The following WDR44 variants were observed in gnomAD, a reference collection of about 807,000 sequenced individuals.
WDR44 encodes WD repeat-containing protein 44.
A neutral mutation model predicts 65.7 loss-of-function variants in WDR44; 9 were observed. That is an observed-to-expected ratio of 0.14 (90% confidence interval 0.08 to 0.24). WDR44 has a LOEUF of 0.24. Ranked by LOEUF, WDR44 falls within the 10% of genes least tolerant of loss-of-function variation. The pLI is 1.00. For synonymous variants in WDR44, 220 were observed against 235.2 expected (o/e 0.94, Z 0.59); for missense variants, 425 against 670.9 (o/e 0.63, Z 4.05).
intron 12 of WDR44, among the ~76,000 whole-genome samples, chrX:118,415,261 G>A (rs2057048345): frequency 8.9e-6 from 1 of 111,854 alleles, no homozygotes; most frequent in Non-Finnish European, 1.9e-5. Flanking sequence ...TTTTCGATAT[G>A]TTGTTGGATT....
chrX:118,439,977 CG>C (rs1010315704), intron 14 of WDR44, among the ~76,000 whole-genome samples: 3 of 105,989 alleles, frequency 2.8e-5, no homozygotes, highest in African/African-American at 6.9e-5. Context: ...AAAATTAGCC[CG>C]GTATGGTGGT....
chrX:118,388,059 G>T (rs1398724955), intron 3 of WDR44, among the ~76,000 whole-genome samples: 5 of 111,287 alleles, frequency 4.5e-5, no homozygotes, highest in African/African-American at 1.6e-4. Flanking sequence ...ACTGGCACTC[G>T]ACATTTTGGG....
intron 19 of WDR44, among the ~76,000 whole-genome samples, chrX:118,447,734 T>TA (rs1226980090): frequency 9.3e-6 from 1 of 107,958 alleles, no homozygotes; most frequent in Non-Finnish European, 1.9e-5. Context: ...AAAAATTAAA[T>TA]AATTAGTCGG....
rs1055037015 is a variant in WDR44 at position 118,393,217 on chromosome X, A to G, written c.772A>G (p.Arg258Gly). 3 of 1,199,372 alleles carry G rather than the reference A, an allele frequency of 2.5e-6. No individual in the cohort carries two copies. The highest frequency in any genetic ancestry group is 3.6e-5 in the African/African-American group (2 of 56,133). ...TCCTTCTCGACCTGCTCCACCACCA[A>G]GAAAAAGGAAAAGCGAATTGGAATT... ...PPPSRPAPPP[R>G]KRKSELEFET... Residue 258 changes from arginine to glycine, a missense_variant, in exon 4 of 20, where the codon AGA becomes GGA. This residue lies in a region of WDR44 where 193 missense variants were observed against 209.0 expected (regional missense o/e 0.92). Transcript: ENST00000254029.
chrX:118,386,009 TC>T (rs2056762449), intron 2 of WDR44, among the ~76,000 whole-genome samples: 1 of 111,352 alleles, frequency 9.0e-6, no homozygotes, highest in Non-Finnish European at 1.9e-5. Flanking sequence ...GGGGAGGAAT[TC>T]AGTGCTCGAA....
Position 118,413,889 on chromosome X carries a change from T to C in WDR44, c.1737+2930T>C, listed in dbSNP as rs546012437. ...GAGAGATGAGGATCCAGTTTCATTA[T>C]CCTACACGTGGCTAGCCAGTTATCT... On this transcript the variant is annotated intron_variant, in intron 12 of 19. Transcript: ENST00000254029. Among the ~76,000 whole-genome samples, 8 of 111,896 alleles carry C rather than the reference T, an allele frequency of 7.1e-5. No individual in the cohort carries two copies. In the South Asian group the frequency reaches 2.6e-3, roughly 37 times the overall value.
At chrX:118,364,605 G>A (rs184841920) in intron 1 of WDR44, among the ~76,000 whole-genome samples, 25 of 112,235 alleles carry the variant, frequency 2.2e-4, no homozygotes, top group African/African-American at 8.1e-4. Flanking sequence ...TAACCAATAA[G>A]GATTTGTTGA....
intron 11 of WDR44, among the ~76,000 whole-genome samples, 196 bp downstream of exon 11, chrX:118,409,823 T>C (rs2056998104): frequency 8.9e-6 from 1 of 112,273 alleles, no homozygotes; most frequent in Non-Finnish European, 1.9e-5. Flanking sequence ...GCTTTTGATT[T>C]ATTCCTTTCC....
At chrX:118,371,638 A>G (rs1175789771) in intron 1 of WDR44, among the ~76,000 whole-genome samples, 1 of 111,500 alleles carries the variant, frequency 9.0e-6, no homozygotes, top group Admixed American at 9.6e-5. Flanking sequence ...TAAGAAGCAT[A>G]TTTATTATTT....
chrX:118,435,694 A>G (rs1295613235), intron 13 of WDR44, among the ~76,000 whole-genome samples: 1 of 112,966 alleles, frequency 8.9e-6, no homozygotes. Flanking sequence ...ATACTCTTAA[A>G]AACTTTTCTG....
chrX:118,393,231 C>G lies in WDR44; in HGVS notation c.786C>G (p.Ser262Arg). The G allele has an allele frequency of 4.2e-6, 5 of 1,198,593 alleles. No individual in the cohort carries two copies. Among genetic ancestry groups the G allele is most frequent in the Non-Finnish European group, 5.6e-6 (5 of 891,997 alleles). ...RPAPPPRKRKSELEFETLKTP... is the reference protein window; with the variant it reads ...RPAPPPRKRKRELEFETLKTP... ...CTCCACCACCAAGAAAAAGGAAAAG[C>G]GAATTGGAATTTGAGACTCTGAAAA... Residue 262 changes from serine to arginine, a missense_variant, in exon 4 of 20, where the codon AGC (serine) becomes AGG (arginine). By Grantham distance (110) the Ser-to-Arg change is moderately radical (BLOSUM62 -1). This residue lies in a region of WDR44 where 193 missense variants were observed against 209.0 expected (regional missense o/e 0.92). Coordinates refer to ENST00000254029, the MANE Select transcript of WDR44 (RefSeq NM_019045.5).
At chrX:118,395,212 T>G in intron 5 of WDR44, 37 bp from the exon 6 acceptor site, 1 of 1,105,506 alleles carries the variant, frequency 9.0e-7, no homozygotes, top group East Asian at 3.0e-5. Context: ...TAGAAATTGA[T>G]TCAGTCTAAT....
In WDR44 at chrX:118,357,701, G is replaced by A. The variant is rs1416211894; in HGVS notation, c.77+11121G>A. On this transcript the variant is annotated intron_variant, in intron 1 of 19. Transcript: ENST00000254029. ...ACTTGAGACCACGCTGGCCAACATAGTGAAACCCTGTCTCTAACATTTTTT... is the reference window on the plus strand; with the variant it reads ...ACTTGAGACCACGCTGGCCAACATAATGAAACCCTGTCTCTAACATTTTTT... Among the ~76,000 whole-genome samples the A allele has an allele frequency of 2.7e-5, 3 of 110,497 alleles. No homozygotes were observed. The East Asian group carries it at 8.4e-4, about 31-fold the overall frequency.
rs7891557 is a variant in WDR44 at position 118,369,089 on chromosome X, C to G, written c.78-9330C>G. Among the ~76,000 whole-genome samples, 490 of 111,058 alleles carry G rather than the reference C, an allele frequency of 4.4e-3. 1 individual carries two copies. The highest frequency in any genetic ancestry group is 0.015 in the African/African-American group (461 of 30,552). Reference sequence around the variant, plus strand: ...GGGACTGGAGAAAGCATGTAATAAACTATTTTATATTCAGACATGAGCTTT... The same window carrying G: ...GGGACTGGAGAAAGCATGTAATAAAGTATTTTATATTCAGACATGAGCTTT... On this transcript the variant is annotated intron_variant, in intron 1 of 19. Transcript: ENST00000254029.
intron 12 of WDR44, among the ~76,000 whole-genome samples, chrX:118,420,851 C>T (rs886994420): frequency 8.9e-6 from 1 of 112,454 alleles, no homozygotes; most frequent in Non-Finnish European, 1.9e-5. Context: ...TCTAATAGTA[C>T]ATCATAGGTA....
chrX:118,411,214 GCCCCTCCCCTCAAAT>G (rs1486269117), intron 12 of WDR44, among the ~76,000 whole-genome samples: 3 of 110,860 alleles, frequency 2.7e-5, no homozygotes, highest in East Asian at 5.6e-4. Flanking sequence ...TAATACAAAA[GCCCCTCCCCTCAAAT>G]CCATGTTAGA....
chrX:118,438,937 C>T (rs2057279736), intron 14 of WDR44, among the ~76,000 whole-genome samples: 2 of 106,840 alleles, frequency 1.9e-5, no homozygotes, highest in African/African-American at 6.8e-5. Context: ...AGACATGCAC[C>T]ACCACATCCA....
intron 12 of WDR44, among the ~76,000 whole-genome samples, chrX:118,412,221 A>G (rs888856192): frequency 8.9e-6 from 1 of 111,879 alleles, no homozygotes; most frequent in Non-Finnish European, 1.9e-5. Context: ...AGGTACTACA[A>G]GGAATTACAC....
intron 1 of WDR44, 46 bp from the exon 2 acceptor site, chrX:118,378,373 T>C (rs1161882699): frequency 9.1e-7 from 1 of 1,104,372 alleles, no homozygotes; most frequent in East Asian, 3.0e-5. Flanking sequence ...GTATTTGTCT[T>C]CTCATCTCCT....
Sources: allele counts gnomAD v4.1 joint callset (sites outside exome capture counted in the v4.1 genomes callset), GRCh38; gene constraint gnomAD v4.1.1; regional missense constraint gnomAD v4.1.1; transcripts MANE v1.5; gene names NCBI Gene and HGNC (gene_info 2026-07-23, HGNC 2026-07-21).